TAPT1: variants seen among roughly 807,000 people sequenced by gnomAD.
TAPT1 encodes the protein transmembrane anterior posterior transformation 1, also known as transmembrane anterior posterior transformation protein 1 homolog.
TAPT1 carries 28 observed loss-of-function variants against 65.6 expected under a neutral mutation model. The ratio of observed to expected loss-of-function variants is 0.43; its 90% confidence interval spans 0.32 to 0.59. The LOEUF (loss-of-function observed/expected upper bound fraction) is 0.59. Among genes scored for constraint, TAPT1 ranks in the 20% least tolerant of loss-of-function variants. The pLI is 0.09. For synonymous variants in TAPT1, 278 were observed against 245.2 expected (o/e 1.13, Z -1.25); for missense variants, 563 against 679.9 (o/e 0.83, Z 1.91).
intron 7 of TAPT1, among the ~76,000 whole-genome samples, chr4:16,185,701 T>G (rs770797439): frequency 6.6e-6 from 1 of 152,010 alleles, no homozygotes; most frequent in Non-Finnish European, 1.5e-5. Flanking sequence ...TGTAAAAGGG[T>G]TCTCAGGACC....
chr4:16,182,582 T>C (rs1380602875), intron 7 of TAPT1, among the ~76,000 whole-genome samples: 2 of 152,236 alleles, frequency 1.3e-5, no homozygotes, highest in Non-Finnish European at 2.9e-5. Flanking sequence ...AACATCCACA[T>C]TTATTGCAGA....
chr4:16,213,978 T>C (rs925732639), intron 1 of TAPT1, 80 bp from the exon 2 acceptor site: 7 of 1,255,262 alleles, frequency 5.6e-6, no homozygotes, highest in African/African-American at 3.1e-5. Flanking sequence ...CCACAGGTAA[T>C]ATACATATAA....
chr4:16,185,928 T>C (rs1748987147), intron 7 of TAPT1, among the ~76,000 whole-genome samples: 1 of 152,174 alleles, frequency 6.6e-6, no homozygotes, highest in Non-Finnish European at 1.5e-5. Context: ...AAGAGATGAA[T>C]AATGTCTTCA....
At chr4:16,207,480 G>C (rs935755510) in intron 2 of TAPT1, among the ~76,000 whole-genome samples, 2 of 152,096 alleles carry the variant, frequency 1.3e-5, no homozygotes, top group Non-Finnish European at 2.9e-5. Context: ...GCAAAATTAA[G>C]TTACTCCACT....
intron 7 of TAPT1, among the ~76,000 whole-genome samples, 195 bp from the exon 8 acceptor site, chr4:16,179,852 T>C (rs2149680832): frequency 6.7e-6 from 1 of 150,216 alleles, no homozygotes; most frequent in South Asian, 2.1e-4. Flanking sequence ...GCTACCATGG[T>C]AAGCCATTGA....
chr4:16,219,960 G>C (rs1751154605), intron 1 of TAPT1, among the ~76,000 whole-genome samples: 1 of 152,198 alleles, frequency 6.6e-6, no homozygotes, highest in African/African-American at 2.4e-5. Context: ...GGAGGTAGGA[G>C]GGTACAGTGC....
At chr4:16,173,849 A>C (rs1209846737) in intron 11 of TAPT1, among the ~76,000 whole-genome samples, 1 of 152,206 alleles carries the variant, frequency 6.6e-6, no homozygotes, top group Non-Finnish European at 1.5e-5. Context: ...GAAACACTGG[A>C]TTAATTTATA....
chr4:16,167,871 T>C (rs556496727), intron 12 of TAPT1, among the ~76,000 whole-genome samples: 2 of 152,226 alleles, frequency 1.3e-5, no homozygotes, highest in African/African-American at 4.8e-5. Context: ...CCCAAACAAC[T>C]CCTATTTCTG....
upstream of TAPT1, chr4:16,227,178 G>T (rs1340239848): frequency 2.2e-6 from 1 of 455,824 alleles, no homozygotes; most frequent in African/African-American, 2.0e-5. Flanking sequence ...TTCACAACAG[G>T]TGGGGACGCG....
At chr4:16,223,678 CAT>C (rs1031705079) in intron 1 of TAPT1, among the ~76,000 whole-genome samples, 13 of 152,202 alleles carry the variant, frequency 8.5e-5, no homozygotes, top group African/African-American at 2.2e-4. Context: ...AATGGAGACA[CAT>C]GTTTAGTATA....
intron 7 of TAPT1, among the ~76,000 whole-genome samples, chr4:16,180,156 G>C (rs571174876): frequency 9.2e-5 from 14 of 152,220 alleles, no homozygotes; most frequent in African/African-American, 2.6e-4. Flanking sequence ...TACTACAATA[G>C]CATTTCCGGG....
Position 16,176,062 on chromosome 4 carries a change from A to G in TAPT1, c.1107+57T>C, listed in dbSNP as rs143028143. ...AAACTCCTATTATTCTACAACTTTT[A>G]AAAATTAAGCAACAGAAGTAAACTT... is the stretch of plus-strand genomic sequence containing the variant. On this transcript the variant is annotated intron_variant, in intron 9 of 13. Transcript: ENST00000405303. The G allele has an allele frequency of 1.4e-3, 1,235 of 852,420 alleles. 11 individuals are homozygous for G. The African/African-American group carries it at 0.02, about 14-fold the overall frequency. The allele number at this position is 852,420 out of a possible 1,614,324, so 52.8% of individuals were successfully genotyped here.
intron 1 of TAPT1, among the ~76,000 whole-genome samples, chr4:16,218,177 G>A (rs2108895929): frequency 6.6e-6 from 1 of 152,350 alleles, no homozygotes; most frequent in Middle Eastern, 3.4e-3. Context: ...GCCAAGGTGG[G>A]AGGATCACCT....
intron 2 of TAPT1, among the ~76,000 whole-genome samples, chr4:16,213,360 A>G (rs1386197543): frequency 6.9e-6 from 1 of 145,196 alleles, no homozygotes; most frequent in Non-Finnish European, 1.5e-5. Context: ...GTTTATAAAC[A>G]TGTGGGCTTT....
rs191933505 is a variant in TAPT1 at position 16,215,150 on chromosome 4, G to C, written c.200-1252C>G. Among the ~76,000 whole-genome samples, 101 of 152,220 alleles carry C rather than the reference G, an allele frequency of 6.6e-4. 2 individuals are homozygous for C. Among genetic ancestry groups the C allele is most frequent in the African/African-American group, 2.4e-3 (98 of 41,542 alleles). On this transcript the variant is annotated intron_variant, in intron 1 of 13. Coordinates refer to ENST00000405303, the MANE Select transcript of TAPT1 (RefSeq NM_153365.3). ...AAAAGTACAAAAAAAAATTAGCCGG[G>C]CGTGCCGGTGGGCGCCTGTAGTCCC...
chr4:16,191,505 C>T lies in TAPT1; in HGVS notation c.468G>A (p.Gln156=). The T allele has an allele frequency of 6.4e-7, 1 of 1,559,146 alleles. No individual in the cohort carries two copies. The highest frequency in any genetic ancestry group is 1.2e-5 in the South Asian group (1 of 84,486). ...CYGLRDRRLL[Q]PAQVCDILKG... is the part of the protein sequence containing the mutation. ...TCAAAATGTCACACACCTGGGCAGG[C>T]TGAAGCAAACGTCTGTCCCTGAAAC... Residue 156 remains glutamine, a synonymous_variant, in exon 4 of 14, where the codon CAG becomes CAA. Transcript: ENST00000405303.
chr4:16,163,529 T>C lies in TAPT1; in HGVS notation c.1483A>G (p.Thr495Ala), dbSNP rs1350225487. 6.2e-7 allele frequency: 1 copy of C among 1,611,108 alleles called. No homozygotes were observed. The highest frequency in any genetic ancestry group is 8.5e-7 in the Non-Finnish European group (1 of 1,177,594). The change falls in exon 14 of 14, where the codon ACA becomes GCA. Residue 495 changes from threonine (T) to alanine (A), a missense_variant. Thr to Ala is a moderately conservative substitution (Grantham distance 58, BLOSUM62 0). Around this residue, in one of 5 missense-constraint regions of TAPT1, gnomAD observed 136 missense variants for 153.9 expected, o/e 0.88. Coordinates refer to ENST00000405303, the MANE Select transcript of TAPT1 (RefSeq NM_153365.3). ...ATGGAGGCAGACAGGTTTTCTTCTG[T>C]GGAAAGGCCTGTGATAAAATAGATC... is the stretch of plus-strand genomic sequence containing the variant. ...NKCKPSQGLS[T>A]EENLSASITK...
intron 2 of TAPT1, among the ~76,000 whole-genome samples, chr4:16,205,754 T>C (rs943374516): frequency 4.6e-5 from 7 of 152,084 alleles, no homozygotes; most frequent in East Asian, 3.9e-4. Flanking sequence ...ACAGGTACAA[T>C]GTGAGTAGCC....
intron 2 of TAPT1, among the ~76,000 whole-genome samples, chr4:16,210,381 G>A (rs919175492): frequency 6.6e-6 from 1 of 152,202 alleles, no homozygotes; most frequent in African/African-American, 2.4e-5. Context: ...ACCTCCTGCT[G>A]TGCACATCCC....
Sources: allele counts gnomAD v4.1 joint callset (sites outside exome capture counted in the v4.1 genomes callset), GRCh38; gene constraint gnomAD v4.1.1; regional missense constraint gnomAD v4.1.1; transcripts MANE v1.5; gene names NCBI Gene and HGNC (gene_info 2026-07-23, HGNC 2026-07-21).